Variants in CRACDL observed in about 807,000 individuals in gnomAD.
CRACDL encodes CRACD-like protein.
In CRACDL, 26 loss-of-function variants were observed where a neutral mutation model predicts 70.6. The observed-to-expected ratio is 0.37, with a 90% CI of 0.27 to 0.51. CRACDL has a LOEUF of 0.51. CRACDL is among the 20% of genes least tolerant of loss of function. CRACDL has a pLI of 0.94. For synonymous variants in CRACDL, 618 were observed against 615.2 expected (o/e 1.00, Z -0.07); for missense variants, 1,283 against 1,376.9 (o/e 0.93, Z 1.08).
chr2:98,921,564 C>A (rs951386631), intron 1 of CRACDL, among the ~76,000 whole-genome samples: 26 of 152,346 alleles, frequency 1.7e-4, no homozygotes, highest in Admixed American at 1.7e-3. Flanking sequence ...CAGGCTGGGC[C>A]TAGGACCAAC....
At chr2:98,927,431 G>T (rs1377268569) in intron 1 of CRACDL, among the ~76,000 whole-genome samples, 1 of 151,950 alleles carries the variant, frequency 6.6e-6, no homozygotes, top group Non-Finnish European at 1.5e-5. Context: ...GCGAATGAGA[G>T]TGAATTCTGA....
At chr2:98,872,217 G>A (rs1357322891) in intron 1 of CRACDL, among the ~76,000 whole-genome samples, 5 of 152,080 alleles carry the variant, frequency 3.3e-5, no homozygotes, top group Admixed American at 6.5e-5. Context: ...AATTAGCCGG[G>A]CGTGGTGGCA....
intron 1 of CRACDL, among the ~76,000 whole-genome samples, chr2:98,864,199 A>G (rs987952728): frequency 6.6e-6 from 1 of 152,246 alleles, no homozygotes; most frequent in East Asian, 1.9e-4. Context: ...AACATGTTAC[A>G]TATATGTAAT....
rs1027275146 is a variant in CRACDL at position 98,905,660 on chromosome 2, G to A, written c.-11+30278C>T. ...TTTTTTTTTTTTGAGACAGAGTCTC[G>A]TTCTGTCACCCAGGCTAGAGTGCAG... On this transcript the variant is annotated intron_variant, in intron 1 of 9. Transcript: ENST00000397899. Among the ~76,000 whole-genome samples, 9 of 139,736 alleles carry A rather than the reference G, an allele frequency of 6.4e-5. No individual in the cohort carries two copies. In the South Asian group the frequency reaches 8.9e-4, roughly 14 times the overall value. 91.7% of individuals were successfully genotyped at this position (139,736 alleles called of 152,430 possible).
In CRACDL at chr2:98,822,457, C is replaced by T. The variant is rs1345412565; in HGVS notation, c.1816G>A (p.Val606Ile). Residue 606 changes from valine to isoleucine, a missense_variant, in exon 7 of 10, where the codon GTC (valine) becomes ATC (isoleucine). Physicochemically the swap from Val to Ile is conservative, Grantham distance 29. Transcript: ENST00000397899. This position sits in a 1 kb window ranked among gnomAD's most constrained non-coding sequence, Gnocchi z 4.9. ...TCAAGAGCCGCCTCGCTCCTCCAGA[C>T]CGGGCCGCTCCTCGCGAGGGGCAGG... ...GRLPLARSGP[V>I]WRSEAALDDL... The T allele has an allele frequency of 1.4e-6, 2 of 1,477,730 alleles. No individual in the cohort carries two copies. Among genetic ancestry groups the T allele is most frequent in the African/African-American group, 1.5e-5 (1 of 68,020 alleles). The allele number at this position is 1,477,730 out of a possible 1,614,324, so 91.5% of individuals were successfully genotyped here.
At position 98,832,924 on chromosome 2, in the gene CRACDL, C is replaced by T. The variant is rs61737030; in HGVS notation, c.313G>A (p.Ala105Thr). The change falls in exon 4 of 10, where the codon GCT (alanine) becomes ACT (threonine). Residue 105 changes from alanine to threonine, a missense_variant. By Grantham distance (58) the Ala-to-Thr change is moderately conservative. Coordinates refer to ENST00000397899, the MANE Select transcript of CRACDL (RefSeq NM_207362.3). ...SIFIPESGQD[A>T]TRPVRVFSQE... The stretch of plus-strand genomic sequence containing the variant: ...GAAAACACCCGCACAGGCCGAGTAG[C>T]GTCCTGTCCGGACTCAGGAATGAAA... 1.8e-3 allele frequency: 2,884 copies of T among 1,614,108 alleles called. 38 individuals are homozygous for T. In the African/African-American group the frequency reaches 0.031, roughly 17 times the overall value.
chr2:98,919,984 C>T (rs1398522940), intron 1 of CRACDL, among the ~76,000 whole-genome samples: 1 of 152,116 alleles, frequency 6.6e-6, no homozygotes, highest in Non-Finnish European at 1.5e-5. Context: ...GAACTCCTGG[C>T]CTCAAGCGAT....
chr2:98,887,335 A>G (rs1707826697), intron 1 of CRACDL, among the ~76,000 whole-genome samples: 1 of 152,138 alleles, frequency 6.6e-6, no homozygotes, highest in African/African-American at 2.4e-5. Flanking sequence ...AAAAAAAATT[A>G]AAAATTGGCC....
chr2:98,832,655 C>T, intron 4 of CRACDL, 143 bp from the exon 5 acceptor site: 4 of 1,005,524 alleles, frequency 4.0e-6, no homozygotes, highest in African/African-American at 3.2e-5. Context: ...GCATCTGCCA[C>T]CAGCTCTTCC....
chr2:98,808,951 C>G (rs1440400186), intron 7 of CRACDL, among the ~76,000 whole-genome samples: 1 of 152,186 alleles, frequency 6.6e-6, no homozygotes, highest in Admixed American at 6.5e-5. Context: ...GAGCACTGCA[C>G]CTGCAGGTTC....
chr2:98,836,758 G>C (rs1705800491), intron 3 of CRACDL, among the ~76,000 whole-genome samples: 1 of 152,104 alleles, frequency 6.6e-6, no homozygotes, highest in Non-Finnish European at 1.5e-5. Flanking sequence ...ATAACATCTC[G>C]TTCCCCAAGA....
At chr2:98,863,746 A>G (rs1002265624) in intron 1 of CRACDL, among the ~76,000 whole-genome samples, 9 of 152,134 alleles carry the variant, frequency 5.9e-5, no homozygotes, top group Non-Finnish European at 1.0e-4. Flanking sequence ...ACTTAATGAC[A>G]TTTTCAATTT....
At chr2:98,817,751 C>CA (rs1704844653) in intron 7 of CRACDL, among the ~76,000 whole-genome samples, 1 of 152,166 alleles carries the variant, frequency 6.6e-6, no homozygotes, top group Non-Finnish European at 1.5e-5. Context: ...AGTCTAGAAA[C>CA]AGAGGGTCAG....
chr2:98,859,212 T>A (rs1401500839), intron 1 of CRACDL, among the ~76,000 whole-genome samples: 1 of 152,162 alleles, frequency 6.6e-6, no homozygotes. Flanking sequence ...CTCTTATGCA[T>A]ATAAACACAA....
At chr2:98,799,204 A>G (rs534043566) in intron 7 of CRACDL, among the ~76,000 whole-genome samples, 38 of 152,194 alleles carry the variant, frequency 2.5e-4, no homozygotes, top group African/African-American at 8.9e-4. Flanking sequence ...GGAGGAGTGA[A>G]TGTCATTGTT....
At chr2:98,855,807 A>T (rs1706676961) in intron 1 of CRACDL, among the ~76,000 whole-genome samples, 2 of 152,366 alleles carry the variant, frequency 1.3e-5, no homozygotes, top group East Asian at 3.9e-4. Context: ...AAAAATAAAC[A>T]AACTGAAAAT....
chr2:98,910,513 T>G (rs1708521070), intron 1 of CRACDL, among the ~76,000 whole-genome samples: 1 of 135,980 alleles, frequency 7.4e-6, no homozygotes, highest in Non-Finnish European at 1.6e-5. Context: ...ACAGCAAGAC[T>G]CTGTCTCAAA....
At chr2:98,850,781 A>G (rs1706450689) in intron 1 of CRACDL, among the ~76,000 whole-genome samples, 1 of 152,194 alleles carries the variant, frequency 6.6e-6, no homozygotes, top group Non-Finnish European at 1.5e-5. Flanking sequence ...GGAGTCCTGC[A>G]TCTAAAAAGA....
chr2:98,927,532 A>G (rs534691623), intron 1 of CRACDL, among the ~76,000 whole-genome samples: 1 of 152,280 alleles, frequency 6.6e-6, no homozygotes, highest in South Asian at 2.1e-4. Flanking sequence ...GTGTGAAAAA[A>G]TTATTTCAGG....
Sources: allele counts gnomAD v4.1 joint callset (sites outside exome capture counted in the v4.1 genomes callset), GRCh38; gene constraint gnomAD v4.1.1; non-coding constraint Gnocchi (gnomAD v3.1); transcripts MANE v1.5; gene names NCBI Gene and HGNC (gene_info 2026-07-23, HGNC 2026-07-21).